PDGFD: variants seen among roughly 807,000 people sequenced by gnomAD.
PDGFD encodes the protein platelet-derived growth factor D.
In PDGFD, 30 loss-of-function variants were observed where a neutral mutation model predicts 44.7. The ratio of observed to expected loss-of-function variants is 0.67; its 90% CI spans 0.50 to 0.91. The LOEUF (loss-of-function observed/expected upper bound fraction) is 0.91, where lower values mean the gene tolerates loss of function less well. PDGFD is among the 40% of genes least tolerant of loss of function. The pLI, the probability that PDGFD is intolerant of heterozygous loss-of-function variation, is 0.00. For missense variants in PDGFD, 445 were observed against 457.8 expected, an observed-to-expected ratio of 0.97 and a Z score of 0.25; for synonymous variants, 173 against 168.4, an observed-to-expected ratio of 1.03 and a Z score of -0.21.
intron 1 of PDGFD, among the ~76,000 whole-genome samples, chr11:104,045,209 G>C (rs1018989060): frequency 6.6e-6 from 1 of 151,754 alleles, no homozygotes; most frequent in African/African-American, 2.4e-5. Context: ...AGGCCTGAAT[G>C]ATCAATGATC....
intron 3 of PDGFD, among the ~76,000 whole-genome samples, chr11:103,953,527 T>G (rs1858790441): frequency 6.6e-6 from 1 of 152,278 alleles, no homozygotes; most frequent in East Asian, 1.9e-4. Flanking sequence ...CTAGTTTTAG[T>G]AAAACAGTAA....
chr11:103,943,906 G>A (rs1272337397), intron 4 of PDGFD, among the ~76,000 whole-genome samples: 1 of 135,034 alleles, frequency 7.4e-6, no homozygotes, highest in Non-Finnish European at 1.5e-5. Context: ...TATCTTAAGT[G>A]TAATCATCTA....
intron 2 of PDGFD, among the ~76,000 whole-genome samples, chr11:103,998,247 A>C (rs1451485619): frequency 6.6e-6 from 1 of 152,152 alleles, no homozygotes; most frequent in Non-Finnish European, 1.5e-5. Flanking sequence ...CTAATGAATA[A>C]ATTCATTGCC....
At position 104,089,594 on chromosome 11, in the gene PDGFD, A is replaced by T. The variant is rs573175923; in HGVS notation, c.124+74210T>A. On this transcript the variant is annotated intron_variant, in intron 1 of 6. Coordinates refer to ENST00000393158, the MANE Select transcript of PDGFD (RefSeq NM_025208.5). Reference sequence around the variant, plus strand: ...AGAGTTTACCAACGCTAATACAAGAATTATATCAATTGATCTTGATCAGCC... The same window carrying T: ...AGAGTTTACCAACGCTAATACAAGATTTATATCAATTGATCTTGATCAGCC... Among the ~76,000 whole-genome samples the T allele has an allele frequency of 7.2e-5, 11 of 152,324 alleles. 1 individual carries two copies. In the South Asian group the frequency reaches 1.7e-3, roughly 23 times the overall value.
At chr11:104,145,908 G>C (rs1226152951) in intron 1 of PDGFD, among the ~76,000 whole-genome samples, 1 of 152,164 alleles carries the variant, frequency 6.6e-6, no homozygotes, top group Non-Finnish European at 1.5e-5. Flanking sequence ...TACGCAAGGA[G>C]GAAAGAACAT....
At chr11:103,921,412 T>C (rs956316953) in intron 6 of PDGFD, among the ~76,000 whole-genome samples, 3 of 152,166 alleles carry the variant, frequency 2.0e-5, no homozygotes, top group Non-Finnish European at 2.9e-5. Context: ...GTTTCAAACA[T>C]GTAAAAACAA....
chr11:104,132,413 C>G (rs990553349), intron 1 of PDGFD, among the ~76,000 whole-genome samples: 9 of 151,972 alleles, frequency 5.9e-5, no homozygotes, highest in African/African-American at 2.2e-4. Context: ...TTACCTACTT[C>G]TCTATAGTTG....
intron 6 of PDGFD, among the ~76,000 whole-genome samples, chr11:103,917,928 C>T (rs1411414475): frequency 1.3e-5 from 2 of 152,180 alleles, no homozygotes; most frequent in Admixed American, 6.5e-5. Flanking sequence ...TCATGCATCA[C>T]GGTCTGCACA....
chr11:103,977,267 A>G (rs556786474), intron 3 of PDGFD, among the ~76,000 whole-genome samples: 3 of 152,244 alleles, frequency 2.0e-5, no homozygotes, highest in Non-Finnish European at 2.9e-5. Context: ...AGAGGTACAA[A>G]GAGGAGCTGG....
At chr11:104,097,640 A>G (rs1051175871) in intron 1 of PDGFD, among the ~76,000 whole-genome samples, 2 of 152,210 alleles carry the variant, frequency 1.3e-5, no homozygotes, top group Non-Finnish European at 2.9e-5. Flanking sequence ...TTATATTTGT[A>G]GTATATGAAT....
At chr11:104,138,041 T>G (rs1199427980) in intron 1 of PDGFD, among the ~76,000 whole-genome samples, 1 of 152,166 alleles carries the variant, frequency 6.6e-6, no homozygotes, top group African/African-American at 2.4e-5. Flanking sequence ...CCTCCACTTT[T>G]AGCCAACACT....
intron 3 of PDGFD, among the ~76,000 whole-genome samples, chr11:103,984,837 A>T (rs1020913900): frequency 3.3e-4 from 47 of 142,866 alleles, no homozygotes; most frequent in Non-Finnish European, 6.0e-4. Flanking sequence ...ATAATATATT[A>T]ATTTATTTAA....
rs1861345862 is a variant in PDGFD, at chr11:104,099,883, C to T, written c.124+63921G>A. On this transcript the variant is annotated intron_variant, in intron 1 of 6. Transcript: ENST00000393158. ...CATGCATGTTACGTCTAAGCTCGTA[C>T]ATGCATTTTTAAGAATAACACGGAT... Among the ~76,000 whole-genome samples, 3 of 151,982 alleles carry T rather than the reference C, an allele frequency of 2.0e-5. No homozygotes were observed. In the South Asian group the frequency reaches 6.2e-4, roughly 32 times the overall value.
intron 1 of PDGFD, among the ~76,000 whole-genome samples, chr11:104,053,664 T>C (rs1860576507): frequency 6.6e-6 from 1 of 152,184 alleles, no homozygotes; most frequent in South Asian, 2.1e-4. Flanking sequence ...AATCAACTAT[T>C]TGGAACATAG....
At chr11:104,113,850 T>C (rs1203585501) in intron 1 of PDGFD, among the ~76,000 whole-genome samples, 1 of 152,092 alleles carries the variant, frequency 6.6e-6, no homozygotes, top group African/African-American at 2.4e-5. Flanking sequence ...TGTTTTAATC[T>C]GAATTTCCTT....
chr11:103,988,238 G>A (rs192256084), intron 3 of PDGFD, among the ~76,000 whole-genome samples: 1 of 151,938 alleles, frequency 6.6e-6, no homozygotes, highest in African/African-American at 2.4e-5. Context: ...AAGGTTATAT[G>A]CATATAAAGA....
At chr11:104,156,255 T>A (rs576394517) in intron 1 of PDGFD, among the ~76,000 whole-genome samples, 1 of 152,008 alleles carries the variant, frequency 6.6e-6, no homozygotes, top group African/African-American at 2.4e-5. Flanking sequence ...TGTGGAAGGG[T>A]GAGGTGGTGG....
Position 103,909,383 on chromosome 11 carries a change from T to TTA in PDGFD, c.*309_*310dup, listed in dbSNP as rs564766625. 200 of 181,844 alleles carry TTA rather than the reference T, an allele frequency of 1.1e-3. No individual in the cohort carries two copies. The highest frequency in any genetic ancestry group is 4.9e-3 in the African/African-American group (177 of 35,838). The allele number at this position is 181,844 out of a possible 1,614,324, so 11.3% of individuals were successfully genotyped here. A position where few individuals can be genotyped will look rare whatever the true frequency, so the allele number is the denominator to read the frequency against. ...CATATGTAAGCTCTGGTGTACCTGG[T>TTA]TATATATACCAAAAAAAACATTTGA... is the stretch of plus-strand genomic sequence containing the variant. On this transcript the variant is annotated 3_prime_UTR_variant, in exon 7 of 7. Coordinates refer to ENST00000393158, the MANE Select transcript of PDGFD (RefSeq NM_025208.5).
In PDGFD at chr11:104,042,947, TTAG is replaced by T. The variant is rs1233521289; in HGVS notation, c.125-42695_125-42693del. ...CAATTAGTCTATCAGTCAAAAAGTA[TTAG>T]TGTTTTGCATTCATACATGTCACTA... is the stretch of plus-strand genomic sequence containing the variant. On this transcript the variant is annotated intron_variant, in intron 1 of 6. Transcript: ENST00000393158. Among the ~76,000 whole-genome samples the T allele has an allele frequency of 2.4e-4, 36 of 152,336 alleles. 1 individual carries two copies. The East Asian group carries it at 4.8e-3, about 20-fold the overall frequency.
Sources: allele counts gnomAD v4.1 joint callset (sites outside exome capture counted in the v4.1 genomes callset), GRCh38; gene constraint gnomAD v4.1.1; transcripts MANE v1.5; gene names NCBI Gene and HGNC (gene_info 2026-07-23, HGNC 2026-07-21).